Variants in NEDD4 observed in about 807,000 individuals in gnomAD.
The protein encoded by NEDD4 is NEDD4 E3 ubiquitin protein ligase, also known as E3 ubiquitin-protein ligase NEDD4.
A neutral mutation model predicts 144.9 loss-of-function variants in NEDD4; 99 were observed. The observed-to-expected ratio is 0.68, with a 90% CI of 0.58 to 0.81. The LOEUF is 0.81. NEDD4 is among the 30% of genes least tolerant of loss of function. The pLI is 0.00. For missense variants in NEDD4, 985 were observed against 1,065.9 expected (o/e 0.92, Z 1.06); for synonymous variants, 318 against 350.6 (o/e 0.91, Z 1.04).
In NEDD4 at chr15:55,966,555, C is replaced by T. The variant is rs1233715559; in HGVS notation, c.46-9G>A. 6 of 1,496,296 alleles carry T rather than the reference C, an allele frequency of 4.0e-6. 1 individual carries two copies. Among genetic ancestry groups the T allele is most frequent in the Admixed American group, 4.7e-5 (2 of 42,824 alleles). The allele number at this position is 1,496,296 out of a possible 1,614,324, so 92.7% of individuals were successfully genotyped here. A position where few individuals can be genotyped will look rare whatever the true frequency, so the allele number is the denominator to read the frequency against. The stretch of plus-strand genomic sequence containing the variant: ...ACAATTCGTGAATTTTCCTAAAATA[C>T]AAAAATTTAGATTTCATTTTCATGT... On this transcript the variant is annotated splice_polypyrimidine_tract_variant and intron_variant, in intron 1 of 28. Transcript: ENST00000435532.
intron 1 of NEDD4, among the ~76,000 whole-genome samples, chr15:55,973,462 C>T (rs1423082181): frequency 6.6e-6 from 1 of 152,088 alleles, no homozygotes; most frequent in Non-Finnish European, 1.5e-5. Flanking sequence ...ATCACTTGAG[C>T]CCAAGAGTTG....
intron 1 of NEDD4, among the ~76,000 whole-genome samples, chr15:55,970,950 C>T (rs1340028742): frequency 1.3e-5 from 2 of 152,098 alleles, no homozygotes; most frequent in Non-Finnish European, 2.9e-5. Context: ...AAATAGGGCA[C>T]CAGTGACCAA....
At chr15:55,917,037 C>T in intron 5 of NEDD4, 9 of 1,297,842 alleles carry the variant, frequency 6.9e-6, no homozygotes, top group East Asian at 2.8e-5. Flanking sequence ...CAGAGACTGA[C>T]GTTTCCAAAA....
chr15:55,899,841 T>G (rs2035856785), intron 5 of NEDD4, among the ~76,000 whole-genome samples: 1 of 152,188 alleles, frequency 6.6e-6, no homozygotes, highest in South Asian at 2.1e-4. Flanking sequence ...GCAAATGAGG[T>G]TCTGAATTTT....
At chr15:55,945,587 C>T (rs977045775) in intron 4 of NEDD4, among the ~76,000 whole-genome samples, 1 of 152,132 alleles carries the variant, frequency 6.6e-6, no homozygotes. Context: ...AAACACTCTA[C>T]AGGATAATAT....
chr15:55,921,666 T>C (rs1029982580), intron 5 of NEDD4, among the ~76,000 whole-genome samples: 1 of 152,182 alleles, frequency 6.6e-6, no homozygotes, highest in South Asian at 2.1e-4. Context: ...TATTTGTTTT[T>C]TCATATGGTT....
intron 5 of NEDD4, among the ~76,000 whole-genome samples, chr15:55,887,104 G>A (rs2035418574): frequency 6.6e-6 from 1 of 150,818 alleles, no homozygotes; most frequent in African/African-American, 2.4e-5. Context: ...AAAAGCAAGA[G>A]CAAACCAAAC....
chr15:55,984,403 C>A (rs2037856284), intron 1 of NEDD4, among the ~76,000 whole-genome samples: 1 of 152,092 alleles, frequency 6.6e-6, no homozygotes, highest in South Asian at 2.1e-4. Flanking sequence ...CCTACTTCTG[C>A]AATAATGTTG....
At chr15:55,929,938 A>G (rs1445822931) in intron 4 of NEDD4, among the ~76,000 whole-genome samples, 3 of 152,262 alleles carry the variant, frequency 2.0e-5, no homozygotes, top group Non-Finnish European at 2.9e-5. Context: ...ATGAAAAACG[A>G]CTGTTGAATT....
At chr15:55,853,868 G>A (rs1299972553) in intron 12 of NEDD4, among the ~76,000 whole-genome samples, 2 of 152,168 alleles carry the variant, frequency 1.3e-5, no homozygotes, top group Admixed American at 6.5e-5. Flanking sequence ...GTGGGCACCT[G>A]TAATCCCAGC....
intron 28 of NEDD4, 125 bp downstream of exon 28, chr15:55,830,386 CCTT>C (rs2032891544): frequency 2.4e-6 from 2 of 843,188 alleles, no homozygotes; most frequent in South Asian, 1.6e-5. Flanking sequence ...GTCACCAACT[CCTT>C]CTTACCCATA....
chr15:55,973,284 A>G (rs2037642294), intron 1 of NEDD4, among the ~76,000 whole-genome samples: 1 of 152,222 alleles, frequency 6.6e-6, no homozygotes, highest in African/African-American at 2.4e-5. Context: ...CATGCCTGTA[A>G]TTCCAACACT....
chr15:55,942,998 G>C (rs1163442036), intron 4 of NEDD4, among the ~76,000 whole-genome samples: 2 of 152,242 alleles, frequency 1.3e-5, no homozygotes. Flanking sequence ...CTTCTACAAA[G>C]AGACTGGCAG....
intron 5 of NEDD4, among the ~76,000 whole-genome samples, chr15:55,886,087 A>G (rs2035377232): frequency 6.6e-6 from 1 of 152,220 alleles, no homozygotes; most frequent in African/African-American, 2.4e-5. Flanking sequence ...GACAAAAACT[A>G]TAAAAAAAGA....
intron 7 of NEDD4, among the ~76,000 whole-genome samples, chr15:55,869,932 T>G (rs2034722830): frequency 6.6e-6 from 1 of 151,880 alleles, no homozygotes; most frequent in African/African-American, 2.4e-5. Context: ...GAAGTTTAAG[T>G]GAACGATCAG....
chr15:55,902,302 C>T (rs1389367813), intron 5 of NEDD4, among the ~76,000 whole-genome samples: 2 of 152,106 alleles, frequency 1.3e-5, no homozygotes, highest in African/African-American at 2.4e-5. Context: ...ATGTATCCAT[C>T]TTGAATTTTG....
intron 6 of NEDD4, among the ~76,000 whole-genome samples, chr15:55,873,373 ACT>A (rs1414278949): frequency 1.1e-4 from 17 of 152,248 alleles, no homozygotes; most frequent in South Asian, 8.3e-4. Flanking sequence ...TCCTATCAAA[ACT>A]CTGTTTGTCC....
intron 4 of NEDD4, among the ~76,000 whole-genome samples, chr15:55,949,891 G>A (rs1200509049): frequency 6.6e-6 from 1 of 151,550 alleles, no homozygotes; most frequent in Non-Finnish European, 1.5e-5. Context: ...TATGGCACGT[G>A]TATACATATG....
chr15:55,979,132 A>T (rs1285234936), intron 1 of NEDD4, among the ~76,000 whole-genome samples: 2 of 151,652 alleles, frequency 1.3e-5, no homozygotes, highest in Non-Finnish European at 2.9e-5. Flanking sequence ...TTCCCTTACT[A>T]GTTCACTATT....
Sources: gnomAD v4.1 joint callset for allele counts (sites outside exome capture counted in the v4.1 genomes callset) on GRCh38, gnomAD v4.1.1 for gene constraint, MANE v1.5 for transcripts, NCBI Gene and HGNC (gene_info 2026-07-23, HGNC 2026-07-21) for gene names.